Variants in RETSAT observed in about 807,000 individuals in gnomAD.
RETSAT encodes retinol saturase.
RETSAT carries 35 observed loss-of-function variants against 61.6 expected under a neutral mutation model. The ratio of observed to expected loss-of-function variants is 0.57; its 90% CI spans 0.43 to 0.75. RETSAT has a LOEUF of 0.75. Ranked by LOEUF, RETSAT falls within the 30% of genes least tolerant of loss-of-function variation. RETSAT has a pLI of 0.00. For missense variants in RETSAT, 670 were observed against 759.5 expected, an observed-to-expected ratio of 0.88 and a Z score of 1.38; for synonymous variants, 277 against 310.4, an observed-to-expected ratio of 0.89 and a Z score of 1.13.
chr2:85,344,201 T>A lies in RETSAT; in HGVS notation c.1367-36A>T, dbSNP rs370439000. ...GAGCTGATATTACTACTGCCCGGCC[T>A]CTCCCTCCACCCCCTCACCCGGGAC... On this transcript the variant is annotated intron_variant, in intron 8 of 10. Transcript: ENST00000295802. The A allele has an allele frequency of 3.7e-6, 6 of 1,613,954 alleles. No individual in the cohort carries two copies. In the South Asian group the frequency reaches 5.5e-5, roughly 15 times the overall value.
chr2:85,347,886 C>G (rs769489607), intron 5 of RETSAT, among the ~76,000 whole-genome samples: 11 of 152,208 alleles, frequency 7.2e-5, no homozygotes, highest in Non-Finnish European at 1.6e-4. Context: ...TCTCAGATCA[C>G]TGATGGCCTT....
At position 85,350,875 on chromosome 2, in the gene RETSAT, G is replaced by A. The variant is rs886949037; in HGVS notation, c.502C>T (p.Pro168Ser). 3 of 1,614,042 alleles carry A rather than the reference G, an allele frequency of 1.9e-6. No individual in the cohort carries two copies. Among genetic ancestry groups the A allele is most frequent in the Non-Finnish European group, 2.5e-6 (3 of 1,180,034 alleles). Residue 168 changes from proline to serine, a missense_variant, in exon 3 of 11, where the codon CCC (proline) becomes TCC (serine). By Grantham distance (74) the Pro-to-Ser change is moderately conservative (BLOSUM62 -1). Transcript: ENST00000295802. ...TAGGCTTTCTCTCCACTGTACATGG[G>A]GTACTCCTTTCGGCCATTGGGCCCT... ...LEGPNGRKEY[P>S]MYSGEKAYIQ...
chr2:85,352,528 G>A lies in RETSAT; in HGVS notation c.173-666C>T, dbSNP rs532239163. ...GCCTCCCAAAGTGCTGGGATTACAT[G>A]CATGAGCCACCGCGCCCCGCCTATT... On this transcript the variant is annotated intron_variant, in intron 1 of 10. Coordinates refer to ENST00000295802, the MANE Select transcript of RETSAT (RefSeq NM_017750.4). Among the ~76,000 whole-genome samples the A allele has an allele frequency of 8.5e-5, 13 of 152,192 alleles. No homozygotes were observed. The East Asian group carries it at 2.5e-3, about 29-fold the overall frequency.
At position 85,342,242 on chromosome 2, in the gene RETSAT, CAT is replaced by C. The variant is rs1683102301; in HGVS notation, c.*998_*999del. ...CATTCACCTACCTGTCTAACCCTCA[CAT>C]GTGCTAATTAACTGCAAATGCCATT... is the stretch of plus-strand genomic sequence containing the variant. On this transcript the variant is annotated 3_prime_UTR_variant, in exon 11 of 11. Transcript: ENST00000295802. The C allele has an allele frequency of 5.5e-6, 1 of 183,340 alleles. No homozygotes were observed. The highest frequency in any genetic ancestry group is 2.4e-5 in the African/African-American group (1 of 41,748). The allele number at this position is 183,340 out of a possible 1,614,324, so 11.4% of individuals were successfully genotyped here.
chr2:85,350,005 C>G, intron 4 of RETSAT, 35 bp downstream of exon 4: 1 of 1,592,868 alleles, frequency 6.3e-7, no homozygotes, highest in South Asian at 1.1e-5. Flanking sequence ...CGTTCCTCCT[C>G]CAGAAGCTGC....
In RETSAT at chr2:85,342,249, T is replaced by G; in HGVS notation, c.*993A>C. On this transcript the variant is annotated 3_prime_UTR_variant, in exon 11 of 11. Transcript: ENST00000295802. ...CTACCTGTCTAACCCTCACATGTGC[T>G]AATTAACTGCAAATGCCATTTCTGG... 1 of 178,698 alleles carries G rather than the reference T, an allele frequency of 5.6e-6. No individual in the cohort carries two copies. Among genetic ancestry groups the G allele is most frequent in the Non-Finnish European group, 1.2e-5 (1 of 84,440 alleles). The allele number at this position is 178,698 out of a possible 1,614,324, so 11.1% of individuals were successfully genotyped here.
Position 85,350,966 on chromosome 2 carries a change from G to T in RETSAT, c.411C>A (p.Asp137Glu). ...EEGSIGRFIL[D>E]QITEGQLDWA... ...AGTCCAGCTGCCCTTCAGTGATCTG[G>T]TCCAAGATAAAACGGCCAATGCTGC... The change falls in exon 3 of 11, where the codon GAC becomes GAA. Residue 137 changes from aspartate (D) to glutamate (E), a missense_variant. Asp to Glu is a conservative substitution (Grantham distance 45). Coordinates refer to ENST00000295802, the MANE Select transcript of RETSAT (RefSeq NM_017750.4). The T allele has an allele frequency of 6.2e-7, 1 of 1,614,144 alleles. No individual in the cohort carries two copies. Among genetic ancestry groups the T allele is most frequent in the Admixed American group, 1.7e-5 (1 of 60,020 alleles).
chr2:85,350,895 G>T lies in RETSAT; in HGVS notation c.482C>A (p.Pro161His). Residue 161 changes from proline to histidine, a missense_variant, in exon 3 of 11, where the codon CCC becomes CAC. Coordinates refer to ENST00000295802, the MANE Select transcript of RETSAT (RefSeq NM_017750.4). ...CATGGGGTACTCCTTTCGGCCATTG[G>T]GCCCTTCCAGTACCATGATGTCAAA... is the stretch of plus-strand genomic sequence containing the variant. ...SPFDIMVLEG[P>H]NGRKEYPMYS... is the part of the protein sequence containing the mutation. 1 of 1,614,112 alleles carries T rather than the reference G, an allele frequency of 6.2e-7. No homozygotes were observed. The highest frequency in any genetic ancestry group is 8.5e-7 in the Non-Finnish European group (1 of 1,180,030).
rs58344528 is a variant in RETSAT at position 85,347,415 on chromosome 2, G to A, written c.998-1321C>T. Among the ~76,000 whole-genome samples, 640 of 152,190 alleles carry A rather than the reference G, an allele frequency of 4.2e-3. 13 individuals are homozygous for A. In the East Asian group the frequency reaches 0.061, roughly 15 times the overall value. On this transcript the variant is annotated intron_variant, in intron 5 of 10. Coordinates refer to ENST00000295802, the MANE Select transcript of RETSAT (RefSeq NM_017750.4). ...GGCTAATTTTGGTATTTTTAGTAAAGACAGGGTTTCACTATACTGGCCAGG... is the reference window on the plus strand; with the variant it reads ...GGCTAATTTTGGTATTTTTAGTAAAAACAGGGTTTCACTATACTGGCCAGG...
chr2:85,349,382 AC>A lies in RETSAT; in HGVS notation c.997+1del. ...AAGGGCAGGGCGGGGCAGGGCTCTCACCACAGGCTTTCCCAGCTGAGTCCAG... is the reference window on the plus strand; with the variant it reads ...AAGGGCAGGGCGGGGCAGGGCTCTCACACAGGCTTTCCCAGCTGAGTCCAG... On this transcript the variant is annotated splice_donor_variant, in intron 5 of 10. Coordinates refer to ENST00000295802, the MANE Select transcript of RETSAT (RefSeq NM_017750.4). LOFTEE classifies it high-confidence loss of function. 1 of 1,613,818 alleles carries A rather than the reference AC, an allele frequency of 6.2e-7. No homozygotes were observed. Among genetic ancestry groups the A allele is most frequent in the African/African-American group, 1.3e-5 (1 of 74,986 alleles).
At chr2:85,345,592 A>G (rs374477976) in intron 6 of RETSAT, 37 of 361,430 alleles carry the variant, frequency 1.0e-4, no homozygotes, top group African/African-American at 7.2e-4. Context: ...GGGACCTCTT[A>G]GCTGCGTTGG....
At position 85,350,028 on chromosome 2, in the gene RETSAT, C is replaced by A; in HGVS notation, c.799+12G>T. On this transcript the variant is annotated intron_variant, in intron 4 of 10. Transcript: ENST00000295802. ...CTCCAGAAGCTGCCCAGAGCCCAGGCCCAGTACCCACCGTAAGTGGGGAAG... is the reference window on the plus strand; with the variant it reads ...CTCCAGAAGCTGCCCAGAGCCCAGGACCAGTACCCACCGTAAGTGGGGAAG... 1 of 1,612,392 alleles carries A rather than the reference C, an allele frequency of 6.2e-7. No homozygotes were observed. Among genetic ancestry groups the A allele is most frequent in the East Asian group, 2.2e-5 (1 of 44,852 alleles).
In RETSAT at chr2:85,343,108, G is replaced by A. The variant is rs1449243118; in HGVS notation, c.*134C>T. 7.8e-7 allele frequency: 1 copy of A among 1,279,424 alleles called. No homozygotes were observed. The highest frequency in any genetic ancestry group is 1.1e-6 in the Non-Finnish European group (1 of 918,072). The allele number at this position is 1,279,424 out of a possible 1,614,324, so 79.3% of individuals were successfully genotyped here. A position where few individuals can be genotyped will look rare whatever the true frequency, so the allele number is the denominator to read the frequency against. On this transcript the variant is annotated 3_prime_UTR_variant, in exon 11 of 11. Transcript: ENST00000295802. ...GATTCGGAATTGTGATTTAAACTAG[G>A]CCTCTCTTCAGGCATCAGAACCAAA...
At chr2:85,347,684 T>C (rs1460962268) in intron 5 of RETSAT, among the ~76,000 whole-genome samples, 1 of 152,206 alleles carries the variant, frequency 6.6e-6, no homozygotes, top group East Asian at 1.9e-4. Context: ...ATCTCTATCT[T>C]TTATTACCTA....
intron 7 of RETSAT, 107 bp from the exon 8 acceptor site, chr2:85,344,455 G>C: frequency 1.3e-6 from 2 of 1,527,990 alleles, no homozygotes; most frequent in Non-Finnish European, 1.8e-6. Context: ...GGGTGAAGCT[G>C]AGCCACAGCC....
At chr2:85,348,367 A>G (rs574297616) in intron 5 of RETSAT, among the ~76,000 whole-genome samples, 13 of 152,272 alleles carry the variant, frequency 8.5e-5, no homozygotes, top group Middle Eastern at 3.4e-3. Context: ...TCCGTGCCTG[A>G]CGCCTGTAAT....
chr2:85,344,222 G>T lies in RETSAT; in HGVS notation c.1366+17C>A. The T allele has an allele frequency of 6.2e-7, 1 of 1,610,136 alleles. No individual in the cohort carries two copies. Among genetic ancestry groups the T allele is most frequent in the Non-Finnish European group, 8.5e-7 (1 of 1,176,526 alleles). On this transcript the variant is annotated intron_variant, in intron 8 of 10. Transcript: ENST00000295802. ...GGCCTCTCCCTCCACCCCCTCACCC[G>T]GGACGTGCAGCCCCACCTGGGAATC... is the stretch of plus-strand genomic sequence containing the variant.
chr2:85,349,357 A>AAGGGCAGGGC (rs1254318162), intron 5 of RETSAT, 27 bp downstream of exon 5: 1 of 1,613,014 alleles, frequency 6.2e-7, no homozygotes, highest in South Asian at 1.1e-5. Context: ...AGGGACCCAG[A>AAGGGCAGGGC]AGGGCAGGGC....
Position 85,350,236 on chromosome 2 carries a change from T to G in RETSAT, c.603A>C (p.Val201=), listed in dbSNP as rs758018276. The G allele has an allele frequency of 2.5e-6, 4 of 1,613,444 alleles. No homozygotes were observed. The highest frequency in any genetic ancestry group is 1.6e-4 in the Middle Eastern group (1 of 6,062). Residue 201 remains valine (V), a synonymous_variant, in exon 4 of 11, where the codon GTA becomes GTC. Coordinates refer to ENST00000295802, the MANE Select transcript of RETSAT (RefSeq NM_017750.4). ...GGATGGCATGAGGGGCTCCACTGGA[T>G]ACCACCTGGGGGAGTGAATGAGGAC... ...IDKYIKLVKV[V]SSGAPHAILL...
Sources: gnomAD v4.1 joint callset for allele counts (sites outside exome capture counted in the v4.1 genomes callset) on GRCh38, gnomAD v4.1.1 for gene constraint, MANE v1.5 for transcripts, NCBI Gene and HGNC (gene_info 2026-07-23, HGNC 2026-07-21) for gene names.